PDHX: variants seen among roughly 807,000 people sequenced by gnomAD.
PDHX encodes the protein pyruvate dehydrogenase protein X component, mitochondrial.
PDHX carries 33 observed loss-of-function variants against 55.3 expected under a neutral mutation model. That is an observed-to-expected ratio of 0.60 (90% CI 0.45 to 0.80). The LOEUF is 0.80. Ranked by LOEUF, PDHX falls within the 30% of genes least tolerant of loss-of-function variation. PDHX has a pLI of 0.00. For synonymous variants in PDHX, 226 were observed against 219.4 expected (o/e 1.03, Z -0.27); for missense variants, 622 against 619.9 (o/e 1.00, Z -0.04).
At chr11:34,949,060 TA>T in intron 3 of PDHX, among the ~76,000 whole-genome samples, 1 of 152,202 alleles carries the variant, frequency 6.6e-6, no homozygotes, top group East Asian at 1.9e-4. Context: ...GGAGTGCATA[TA>T]GTTGATAGTG....
chr11:34,957,709 A>C, intron 4 of PDHX, 126 bp downstream of exon 4: 1 of 740,052 alleles, frequency 1.4e-6, no homozygotes, highest in Non-Finnish European at 2.3e-6. Flanking sequence ...TTCTCAGCAC[A>C]CTCAGACCTT....
intron 5 of PDHX, among the ~76,000 whole-genome samples, chr11:34,966,138 G>A (rs1192195889): frequency 1.3e-5 from 2 of 152,044 alleles, no homozygotes; most frequent in Admixed American, 6.5e-5. Flanking sequence ...ATTAAAAATG[G>A]TTTGATTTCC....
intron 5 of PDHX, among the ~76,000 whole-genome samples, chr11:34,966,174 T>C (rs1855127448): frequency 6.6e-6 from 1 of 152,214 alleles, no homozygotes; most frequent in South Asian, 2.1e-4. Flanking sequence ...TGATTTGCAC[T>C]ATAATAAACA....
intron 2 of PDHX, among the ~76,000 whole-genome samples, chr11:34,933,607 A>G (rs1212144389): frequency 1.3e-5 from 2 of 152,284 alleles, no homozygotes; most frequent in East Asian, 3.9e-4. Flanking sequence ...AATGCCTGGA[A>G]ACAAGGACCA....
Position 34,916,634 on chromosome 11 carries a change from A to C in PDHX, c.-22A>C, listed in dbSNP as rs776499519. The C allele has an allele frequency of 1.2e-6, 2 of 1,604,340 alleles. No homozygotes were observed. The highest frequency in any genetic ancestry group is 1.7e-6 in the Non-Finnish European group (2 of 1,179,766). On this transcript the variant is annotated 5_prime_UTR_variant, in exon 1 of 11. Transcript: ENST00000227868. ...CTGGACATCAGGCTGTGCTGCGGGCAGCCAGTGAGAAGGCCGTCAAGATGG... is the reference window on the plus strand; with the variant it reads ...CTGGACATCAGGCTGTGCTGCGGGCCGCCAGTGAGAAGGCCGTCAAGATGG...
At chr11:34,953,589 T>C (rs1222552080) in intron 3 of PDHX, among the ~76,000 whole-genome samples, 1 of 152,232 alleles carries the variant, frequency 6.6e-6, no homozygotes, top group Non-Finnish European at 1.5e-5. Context: ...CTTTATACCT[T>C]TTAAACTTGT....
At chr11:34,961,927 A>G (rs1345889746) in intron 5 of PDHX, among the ~76,000 whole-genome samples, 9 of 152,312 alleles carry the variant, frequency 5.9e-5, no homozygotes, top group African/African-American at 2.2e-4. Context: ...AGTTAATCCC[A>G]GTTTTTTCCC....
At chr11:34,963,892 C>A (rs1434481133) in intron 5 of PDHX, among the ~76,000 whole-genome samples, 1 of 152,228 alleles carries the variant, frequency 6.6e-6, no homozygotes, top group African/African-American at 2.4e-5. Flanking sequence ...TTTGGTACAT[C>A]TGTGTCCTAA....
chr11:34,960,224 A>C lies in PDHX; in HGVS notation c.543-196A>C, dbSNP rs938628991. On this transcript the variant is annotated intron_variant, in intron 4 of 10. Coordinates refer to ENST00000227868, the MANE Select transcript of PDHX (RefSeq NM_003477.3). ...AAATCATATTTAGAAATAGTAACTA[A>C]ATTTTTACGAAAGTGTTTAAAGAAT... Among the ~76,000 whole-genome samples, 4 of 152,182 alleles carry C rather than the reference A, an allele frequency of 2.6e-5. No homozygotes were observed. In the East Asian group the frequency reaches 5.8e-4, roughly 22 times the overall value.
Position 34,995,069 on chromosome 11 carries a change from C to T in PDHX, c.1403C>T (p.Thr468Ile), listed in dbSNP as rs201928307. The change falls in exon 11 of 11, where the codon ACA (threonine) becomes ATA (isoleucine). Residue 468 changes from threonine to isoleucine, a missense_variant. Thr to Ile is a moderately conservative substitution (Grantham distance 89). Coordinates refer to ENST00000227868, the MANE Select transcript of PDHX (RefSeq NM_003477.3). The part of the protein sequence containing the change: ...NAKLQQRQLI[T>I]VTMSSDSRVV... ...AAACTGCAGCAGCGCCAGCTCATAACAGTCACAATGTCAAGTGACAGTCGA... is the reference window on the plus strand; with the variant it reads ...AAACTGCAGCAGCGCCAGCTCATAATAGTCACAATGTCAAGTGACAGTCGA... The T allele has an allele frequency of 6.2e-7, 1 of 1,614,102 alleles. No individual in the cohort carries two copies. The highest frequency in any genetic ancestry group is 1.3e-5 in the African/African-American group (1 of 75,058).
chr11:34,930,176 CTA>C (rs1822002162), intron 1 of PDHX, among the ~76,000 whole-genome samples: 1 of 152,146 alleles, frequency 6.6e-6, no homozygotes, highest in Admixed American at 6.5e-5. Context: ...TGCAGGTTGT[CTA>C]TGATCAGGAA....
intron 1 of PDHX, among the ~76,000 whole-genome samples, chr11:34,921,683 T>A (rs1283276251): frequency 6.6e-6 from 1 of 152,206 alleles, no homozygotes; most frequent in Non-Finnish European, 1.5e-5. Context: ...AAAGCACTTG[T>A]AGGCTACTCA....
intron 2 of PDHX, among the ~76,000 whole-genome samples, chr11:34,936,104 A>G (rs922630333): frequency 1.3e-5 from 2 of 152,198 alleles, no homozygotes; most frequent in Admixed American, 6.5e-5. Context: ...ACTTGAGAAC[A>G]CTAGCCAAAT....
At chr11:34,942,767 A>G (rs1307205094) in intron 2 of PDHX, among the ~76,000 whole-genome samples, 2 of 152,110 alleles carry the variant, frequency 1.3e-5, no homozygotes, top group East Asian at 1.9e-4. Context: ...CCTGTGATTT[A>G]TTGGTAAAGT....
At chr11:34,934,756 T>A (rs1371474713) in intron 2 of PDHX, among the ~76,000 whole-genome samples, 1 of 151,630 alleles carries the variant, frequency 6.6e-6, no homozygotes, top group Non-Finnish European at 1.5e-5. Flanking sequence ...TTTTTTGTAT[T>A]TTTTTAGAGA....
chr11:34,976,373 A>G (rs757743572), intron 7 of PDHX, among the ~76,000 whole-genome samples: 18 of 152,182 alleles, frequency 1.2e-4, no homozygotes, highest in South Asian at 2.1e-4. Context: ...TCTCCTTTCA[A>G]TATGTTTGGA....
chr11:34,987,003 G>A (rs970704961), intron 9 of PDHX, among the ~76,000 whole-genome samples: 2 of 152,204 alleles, frequency 1.3e-5, no homozygotes, highest in Admixed American at 1.3e-4. Flanking sequence ...TGAAATTGAG[G>A]AGATTCAGTT....
At chr11:34,960,105 C>T (rs989982424) in intron 4 of PDHX, among the ~76,000 whole-genome samples, 6 of 152,020 alleles carry the variant, frequency 3.9e-5, no homozygotes, top group Non-Finnish European at 5.9e-5. Flanking sequence ...ACAAAATATA[C>T]GAAGGAAACA....
chr11:34,991,082 G>T (rs1855746673), intron 9 of PDHX, among the ~76,000 whole-genome samples: 4 of 152,126 alleles, frequency 2.6e-5, no homozygotes, highest in Admixed American at 2.6e-4. Flanking sequence ...AAAATTAACA[G>T]AAATGTGGTT....
Sources: allele counts gnomAD v4.1 joint callset (sites outside exome capture counted in the v4.1 genomes callset), GRCh38; gene constraint gnomAD v4.1.1; transcripts MANE v1.5; gene names NCBI Gene and HGNC (gene_info 2026-07-23, HGNC 2026-07-21).